Variants in TBC1D2 observed in about 807,000 individuals in gnomAD.
TBC1D2 encodes the protein TBC1 domain family member 2, also known as TBC1 domain family member 2A.
Under a neutral mutation model 91.1 loss-of-function variants are expected in TBC1D2, and 58 were observed. That is an observed-to-expected ratio of 0.64 (90% CI 0.52 to 0.79). The LOEUF is 0.79. Ranked by LOEUF, TBC1D2 falls within the 30% of genes least tolerant of loss-of-function variation. The pLI is 0.00. For missense variants in TBC1D2, 1,080 were observed against 1,208.3 expected, an observed-to-expected ratio of 0.89 and a Z score of 1.57; for synonymous variants, 482 against 511.5, an observed-to-expected ratio of 0.94 and a Z score of 0.78.
At chr9:98,201,401 C>T (rs2118980798) in intron 11 of TBC1D2, 78 bp downstream of exon 11, 2 of 1,363,606 alleles carry the variant, frequency 1.5e-6, no homozygotes, top group East Asian at 4.8e-5. Context: ...TTCCCATTCT[C>T]CAGGGGCAGA....
intron 2 of TBC1D2, among the ~76,000 whole-genome samples, chr9:98,249,367 G>A (rs1325821010): frequency 6.6e-6 from 1 of 152,230 alleles, no homozygotes; most frequent in Non-Finnish European, 1.5e-5. Context: ...GTGTGCTGAA[G>A]CAAAGCCGCA....
At chr9:98,251,758 C>T (rs767408298) in intron 2 of TBC1D2, 27 bp downstream of exon 2, 54 of 1,546,598 alleles carry the variant, frequency 3.5e-5, no homozygotes, top group Non-Finnish European at 4.3e-5. Flanking sequence ...CCTGGGTGTG[C>T]AGGCAGGAGG....
rs1441005641 is a variant in TBC1D2 at position 98,251,804 on chromosome 9, G to A, written c.492C>T (p.Pro164=). The change falls in exon 2 of 13, where the codon CCC becomes CCT. Residue 164 remains proline, a synonymous_variant. Transcript: ENST00000465784. ...GGGTACCTAGCTCGAGGTGCAGGAC[G>A]GGCCCATTCCCAGCCAGGGCGGCAT... ...TPDAALAGNG[P]VLHLELGQEE... 20 of 1,600,284 alleles carry A rather than the reference G, an allele frequency of 1.2e-5. No individual in the cohort carries two copies. Among genetic ancestry groups the A allele is most frequent in the South Asian group, 2.2e-5 (2 of 89,848 alleles).
At chr9:98,233,680 C>T (rs1444746627) in intron 3 of TBC1D2, 131 bp from the exon 4 acceptor site, 1 of 1,393,000 alleles carries the variant, frequency 7.2e-7, no homozygotes, top group African/African-American at 1.4e-5. Context: ...CTCCCAGACT[C>T]CAGGCACCCT....
rs767870655 is a variant in TBC1D2, at chr9:98,255,165, GA to G, written c.369+7del. Reference sequence around the variant, plus strand: ...GCTGGAAAGGAGAAAGTCGTTGCAGGAATTTACCTTCAGGGTAATAACCCGG... The same window carrying G: ...GCTGGAAAGGAGAAAGTCGTTGCAGGATTTACCTTCAGGGTAATAACCCGG... On this transcript the variant is annotated splice_region_variant and intron_variant, in intron 1 of 12. Coordinates refer to ENST00000465784, the MANE Select transcript of TBC1D2 (RefSeq NM_001267571.2). 6.3e-5 allele frequency: 100 copies of G among 1,595,232 alleles called. No homozygotes were observed. The highest frequency in any genetic ancestry group is 9.0e-5 in the East Asian group (4 of 44,370).
intron 2 of TBC1D2, among the ~76,000 whole-genome samples, chr9:98,251,491 T>G (rs948601428): frequency 1.3e-5 from 2 of 152,166 alleles, no homozygotes; most frequent in African/African-American, 4.8e-5. Context: ...GTATATGAAT[T>G]CATTTAATCC....
intron 4 of TBC1D2, among the ~76,000 whole-genome samples, chr9:98,232,570 G>A (rs1342078985): frequency 6.6e-6 from 1 of 151,866 alleles, no homozygotes; most frequent in Non-Finnish European, 1.5e-5. Flanking sequence ...CTCCAGCCTT[G>A]GCCTCCCAAA....
intron 6 of TBC1D2, among the ~76,000 whole-genome samples, chr9:98,220,449 C>T (rs913004762): frequency 2.0e-5 from 3 of 152,118 alleles, no homozygotes; most frequent in African/African-American, 7.2e-5. Flanking sequence ...GGGGGAGGGT[C>T]GTGCTGGCCC....
intron 5 of TBC1D2, among the ~76,000 whole-genome samples, chr9:98,223,152 G>A (rs1169081984): frequency 2.0e-5 from 3 of 152,242 alleles, no homozygotes; most frequent in Non-Finnish European, 4.4e-5. Context: ...GGTGTTTGTG[G>A]GAAAGGCAAT....
intron 7 of TBC1D2, among the ~76,000 whole-genome samples, chr9:98,211,414 C>CCCT (rs1828835722): frequency 6.6e-6 from 1 of 152,158 alleles, no homozygotes; most frequent in Admixed American, 6.5e-5. Flanking sequence ...CACTTCACAG[C>CCCT]CCTCCTGCAC....
At chr9:98,222,830 T>C (rs1464066030) in intron 5 of TBC1D2, among the ~76,000 whole-genome samples, 1 of 152,258 alleles carries the variant, frequency 6.6e-6, no homozygotes, top group African/African-American at 2.4e-5. Flanking sequence ...AGAACAATTC[T>C]ATATTGGAGG....
chr9:98,227,297 A>G (rs1027268686), intron 5 of TBC1D2, among the ~76,000 whole-genome samples: 7 of 152,244 alleles, frequency 4.6e-5, no homozygotes, highest in African/African-American at 7.2e-5. Flanking sequence ...GTAAGGGCAG[A>G]GCCTGTGTCT....
intron 11 of TBC1D2, among the ~76,000 whole-genome samples, chr9:98,201,026 AAAAAG>A (rs1284324215): frequency 6.6e-6 from 1 of 151,950 alleles, no homozygotes; most frequent in African/African-American, 2.4e-5. Context: ...AAAAAAAAAA[AAAAAG>A]AAAGAAAGAA....
chr9:98,203,400 G>A lies in TBC1D2; in HGVS notation c.2159C>T (p.Ala720Val), dbSNP rs776201201. The change falls in exon 10 of 13, where the codon GCC becomes GTC. Residue 720 changes from alanine to valine, a missense_variant. Ala to Val is a moderately conservative substitution (Grantham distance 64). Coordinates refer to ENST00000465784, the MANE Select transcript of TBC1D2 (RefSeq NM_001267571.2). ...GYCQGLNRLA[A>V]IALLVLEEEE... Reference sequence around the variant, plus strand: ...CTCCTCTAGGACCAGCAGGGCAATGGCCGCCAGCCTGGAGTAGTAGGGAAG... The same window carrying A: ...CTCCTCTAGGACCAGCAGGGCAATGACCGCCAGCCTGGAGTAGTAGGGAAG... The A allele has an allele frequency of 1.4e-5, 23 of 1,614,044 alleles. No homozygotes were observed. Among genetic ancestry groups the A allele is most frequent in the East Asian group, 2.2e-5 (1 of 44,900 alleles).
At chr9:98,208,176 G>C (rs1479167231) in intron 9 of TBC1D2, among the ~76,000 whole-genome samples, 5 of 152,130 alleles carry the variant, frequency 3.3e-5, no homozygotes, top group Non-Finnish European at 5.9e-5. Flanking sequence ...GGAGCTCTGA[G>C]CTCTGGCCCA....
At chr9:98,224,903 TA>T (rs1829193869) in intron 5 of TBC1D2, among the ~76,000 whole-genome samples, 1 of 152,118 alleles carries the variant, frequency 6.6e-6, no homozygotes, top group Non-Finnish European at 1.5e-5. Flanking sequence ...TGAATGGGGC[TA>T]AAGCTTCCTC....
chr9:98,235,255 G>T, intron 3 of TBC1D2: 1 of 314,568 alleles, frequency 3.2e-6, no homozygotes. Flanking sequence ...TTCGGAGCAT[G>T]TAGGAACTAT....
intron 5 of TBC1D2, among the ~76,000 whole-genome samples, chr9:98,225,144 G>T (rs1829200321): frequency 1.3e-5 from 2 of 152,218 alleles, no homozygotes; most frequent in African/African-American, 4.8e-5. Context: ...CGCAGGCAGG[G>T]TCCCAGAGGG....
At chr9:98,252,770 C>A (rs78234189) in intron 1 of TBC1D2, among the ~76,000 whole-genome samples, 3,133 of 152,244 alleles carry the variant, frequency 0.021, 100 homozygotes, top group African/African-American at 0.072. Flanking sequence ...AGGTGGACTG[C>A]AGAAGATGAA....
Sources: gnomAD v4.1 joint callset for allele counts (sites outside exome capture counted in the v4.1 genomes callset) on GRCh38, gnomAD v4.1.1 for gene constraint, MANE v1.5 for transcripts, NCBI Gene and HGNC (gene_info 2026-07-23, HGNC 2026-07-21) for gene names.